LIME1: variants seen among roughly 807,000 people sequenced by gnomAD.
LIME1 encodes lck-interacting transmembrane adapter 1.
In LIME1, 23 loss-of-function variants were observed where a neutral mutation model predicts 18.8. That is an observed-to-expected ratio of 1.22 (90% CI 0.88 to 1.73). LIME1 has a LOEUF of 1.73. Among genes scored for constraint, LIME1 ranks in the 40% most tolerant of loss-of-function variants. The pLI, the probability that LIME1 is intolerant of heterozygous loss-of-function variation, is 0.00. For missense variants in LIME1, 423 were observed against 396.8 expected (o/e 1.07, Z -0.56); for synonymous variants, 177 against 182.3 (o/e 0.97, Z 0.23).
rs1375560132 is a variant in LIME1, at chr20:63,737,603, C to G, written c.54C>G (p.Cys18Trp). 7 of 1,603,816 alleles carry G rather than the reference C, an allele frequency of 4.4e-6. No homozygotes were observed. The Admixed American group carries it at 1.2e-4, about 27-fold the overall frequency. ...CTGCCCTCTGGGTTCTAGGGTGCTG[C>G]GCCCTGCTCCTCTCGCTGTGGGCGC... is the stretch of plus-strand genomic sequence containing the variant. The part of the protein sequence containing the change: ...APPALWVLGC[C>W]ALLLSLWALC... The change falls in exon 2 of 6, where the codon TGC becomes TGG. Residue 18 changes from cysteine to tryptophan, a missense_variant. Transcript: ENST00000309546.
Position 63,739,008 on chromosome 20 carries a change from AGGTCCGT to A in LIME1, c.*110_*116del. 1 of 1,004,106 alleles carries A rather than the reference AGGTCCGT, an allele frequency of 1.0e-6. No homozygotes were observed. The highest frequency in any genetic ancestry group is 1.4e-6 in the Non-Finnish European group (1 of 703,272). The allele number at this position is 1,004,106 out of a possible 1,614,324, so 62.2% of individuals were successfully genotyped here. A position where few individuals can be genotyped will look rare whatever the true frequency, so the allele number is the denominator to read the frequency against. On this transcript the variant is annotated 3_prime_UTR_variant, in exon 6 of 6. Coordinates refer to ENST00000309546, the MANE Select transcript of LIME1 (RefSeq NM_017806.4). ...CAGGTCCCCGGGCTGCCAGCCCGTG[AGGTCCGT>A]GAGGTCCTGGCCGCTCTGACAGCCG...
At chr20:63,735,949 G>C (rs752905808), upstream of LIME1, 7 of 1,594,516 alleles carry the variant, frequency 4.4e-6, no homozygotes, top group Non-Finnish European at 6.0e-6. Flanking sequence ...GACGAAGCGT[G>C]GGACCCCAGC....
chr20:63,736,773 GGTCA>G, intron 1 of LIME1, 61 bp downstream of exon 1: 3 of 985,626 alleles, frequency 3.0e-6, no homozygotes, highest in Non-Finnish European at 3.6e-6. Flanking sequence ...GCTGCAGCTG[GGTCA>G]GTCAGCCAGG....
chr20:63,738,422 G>A lies in LIME1; in HGVS notation c.508G>A (p.Val170Ile), dbSNP rs1350886166. The A allele has an allele frequency of 4.5e-6, 7 of 1,545,820 alleles. No individual in the cohort carries two copies. The Admixed American group carries it at 5.9e-5, about 13-fold the overall frequency. The stretch of plus-strand genomic sequence containing the variant: ...CCCTGTGGTGGCCGAGTATGCCCGC[G>A]TCCAGAAGCGCAAAGGGACCCATCG... ...ASPVVAEYAR[V>I]QKRKGTHRSP... The change falls in exon 5 of 6, where the codon GTC becomes ATC. Residue 170 changes from valine to isoleucine, a missense_variant. By Grantham distance (29) the Val-to-Ile change is conservative. Coordinates refer to ENST00000309546, the MANE Select transcript of LIME1 (RefSeq NM_017806.4).
At chr20:63,736,421 T>G (rs2091990747), upstream of LIME1, 2 of 193,922 alleles carry the variant, frequency 1.0e-5, no homozygotes, top group Admixed American at 5.6e-5. Context: ...CCTGGCCCTG[T>G]GGGTTTGGGG....
rs113110798 is a variant in LIME1 at position 63,738,286 on chromosome 20, G to A, written c.372G>A (p.Glu124=). Residue 124 remains glutamate (E), a synonymous_variant, in exon 5 of 6, where the codon GAG becomes GAA. Transcript: ENST00000309546. ...CCCCCTCTGCCTTCCCACACCAGGA[G>A]CTGCCCCGGGCTCTGCCGGCAGCTG... is the stretch of plus-strand genomic sequence containing the variant. The part of the protein sequence containing the change: ...QAAPSAFPHQ[E]LPRALPAAAA... 393 of 1,573,014 alleles carry A rather than the reference G, an allele frequency of 2.5e-4. No homozygotes were observed. The highest frequency in any genetic ancestry group is 3.0e-4 in the Non-Finnish European group (346 of 1,163,866).
At chr20:63,736,234 G>A (rs1389021107), upstream of LIME1, 1 of 346,910 alleles carries the variant, frequency 2.9e-6, no homozygotes, top group African/African-American at 2.2e-5. Flanking sequence ...GAGGGGCCTA[G>A]GAGGCCGGCA....
chr20:63,736,537 G>A (rs1333351894), upstream of LIME1: 10 of 829,838 alleles, frequency 1.2e-5, no homozygotes, highest in East Asian at 2.4e-4. Flanking sequence ...GGCTTCGGGC[G>A]GGGCGCAGCA....
intron 1 of LIME1, chr20:63,736,936 A>T (rs539887775): frequency 1.0e-6 from 1 of 985,614 alleles, no homozygotes; most frequent in African/African-American, 1.7e-5. Flanking sequence ...CAAGAAGGGG[A>T]CAGATCCTCT....
chr20:63,737,662 C>T lies in LIME1; in HGVS notation c.98+15C>T. 1.3e-6 allele frequency: 2 copies of T among 1,562,190 alleles called. No homozygotes were observed. The highest frequency in any genetic ancestry group is 1.7e-6 in the Non-Finnish European group (2 of 1,156,556). ...GCCTGCCGCAGGTAGGTCCCTCAGC[C>T]GCGTTCTGTCTGGGGCCTCGCTGCG... On this transcript the variant is annotated intron_variant, in intron 2 of 5. Transcript: ENST00000309546.
At position 63,737,920 on chromosome 20, in the gene LIME1, C is replaced by A; in HGVS notation, c.180+18C>A. 1 of 1,579,526 alleles carries A rather than the reference C, an allele frequency of 6.3e-7. No homozygotes were observed. Among genetic ancestry groups the A allele is most frequent in the East Asian group, 2.3e-5 (1 of 43,716 alleles). ...CGGAAGCGGTGAGTGCCAGGCTGTC[C>A]CGGGGACCAGGGTGGGGTCCGCAGG... On this transcript the variant is annotated intron_variant, in intron 3 of 5. Coordinates refer to ENST00000309546, the MANE Select transcript of LIME1 (RefSeq NM_017806.4).
rs1467201745 is a variant in LIME1, at chr20:63,738,731, T to G, written c.719T>G (p.Leu240Arg). The G allele has an allele frequency of 6.2e-7, 1 of 1,612,930 alleles. No homozygotes were observed. Among genetic ancestry groups the G allele is most frequent in the East Asian group, 2.2e-5 (1 of 44,864 alleles). ...AGDLAYQTLPLRALDVDSGPL... is the reference protein window; with the variant it reads ...AGDLAYQTLPRRALDVDSGPL... ...GACCTGGCCTACCAGACCCTCCCGC[T>G]CAGGGCCCTGGATGTGGACAGCGGC... is the stretch of plus-strand genomic sequence containing the variant. Residue 240 changes from leucine (L) to arginine (R), a missense_variant, in exon 6 of 6, where the codon CTC (leucine) becomes CGC (arginine). By Grantham distance (102) the Leu-to-Arg change is moderately radical. Coordinates refer to ENST00000309546, the MANE Select transcript of LIME1 (RefSeq NM_017806.4).
Position 63,739,002 on chromosome 20 carries a change from C to CCCGTGAGGT in LIME1, c.*114_*122dup, listed in dbSNP as rs562853569. 689 of 1,124,372 alleles carry CCCGTGAGGT rather than the reference C, an allele frequency of 6.1e-4. 2 individuals are homozygous for CCCGTGAGGT. In the African/African-American group the frequency reaches 9.6e-3, roughly 16 times the overall value. 69.6% of individuals were successfully genotyped at this position (1,124,372 alleles called of 1,614,324 possible). Reference sequence around the variant, plus strand: ...CAGTCCCAGGTCCCCGGGCTGCCAGCCCGTGAGGTCCGTGAGGTCCTGGCC... The same window carrying CCCGTGAGGT: ...CAGTCCCAGGTCCCCGGGCTGCCAGCCCGTGAGGTCCGTGAGGTCCGTGAGGTCCTGGCC... On this transcript the variant is annotated 3_prime_UTR_variant, in exon 6 of 6. Transcript: ENST00000309546.
chr20:63,737,533 G>T lies in LIME1; in HGVS notation c.-17G>T. The T allele has an allele frequency of 6.5e-7, 1 of 1,529,990 alleles. No individual in the cohort carries two copies. Among genetic ancestry groups the T allele is most frequent in the South Asian group, 1.2e-5 (1 of 80,214 alleles). The allele number at this position is 1,529,990 out of a possible 1,614,324, so 94.8% of individuals were successfully genotyped here. ...CAGCGCCCCTTTCTTCTGTCCCCAGGGCCTCGGCTTCACAGGATGGGGCTG... is the reference window on the plus strand; with the variant it reads ...CAGCGCCCCTTTCTTCTGTCCCCAGTGCCTCGGCTTCACAGGATGGGGCTG... On this transcript the variant is annotated splice_region_variant and 5_prime_UTR_variant, in exon 2 of 6. Transcript: ENST00000309546.
In LIME1 at chr20:63,737,557, T is replaced by G; in HGVS notation, c.8T>G (p.Leu3Arg). 5 of 1,583,890 alleles carry G rather than the reference T, an allele frequency of 3.2e-6. No individual in the cohort carries two copies. Among genetic ancestry groups the G allele is most frequent in the Non-Finnish European group, 4.3e-6 (5 of 1,167,940 alleles). The change falls in exon 2 of 6, where the codon CTG becomes CGG. Residue 3 changes from leucine (L) to arginine (R), a missense_variant. By Grantham distance (102) the Leu-to-Arg change is moderately radical. Coordinates refer to ENST00000309546, the MANE Select transcript of LIME1 (RefSeq NM_017806.4). The stretch of plus-strand genomic sequence containing the variant: ...GGGCCTCGGCTTCACAGGATGGGGC[T>G]GCCAGTGTCCTGGGCCCCTCCTGCC... MG[L>R]PVSWAPPALW...
chr20:63,737,651 G>C lies in LIME1; in HGVS notation c.98+4G>C, dbSNP rs1395071248. 6.3e-7 allele frequency: 1 copy of C among 1,578,742 alleles called. No homozygotes were observed. The highest frequency in any genetic ancestry group is 8.6e-7 in the Non-Finnish European group (1 of 1,164,922). On this transcript the variant is annotated splice_donor_region_variant and intron_variant, in intron 2 of 5. Transcript: ENST00000309546. ...CGCTGTGCACAGCCTGCCGCAGGTAGGTCCCTCAGCCGCGTTCTGTCTGGG... is the reference window on the plus strand; with the variant it reads ...CGCTGTGCACAGCCTGCCGCAGGTACGTCCCTCAGCCGCGTTCTGTCTGGG...
chr20:63,737,353 G>A lies in LIME1; in HGVS notation c.-17-180G>A, dbSNP rs560657610. 1.4e-3 allele frequency: 1,814 copies of A among 1,320,176 alleles called. 5 individuals are homozygous for A. Among genetic ancestry groups the A allele is most frequent in the Non-Finnish European group, 1.2e-3 (1,267 of 1,039,222 alleles). The allele number at this position is 1,320,176 out of a possible 1,614,324, so 81.8% of individuals were successfully genotyped here. A position where few individuals can be genotyped will look rare whatever the true frequency, so the allele number is the denominator to read the frequency against. On this transcript the variant is annotated intron_variant, in intron 1 of 5. Transcript: ENST00000309546. ...CTAGTTCACCTCACCGGGAGCCCCC[G>A]CCAGAAGGTGGGCACCTCTGGGAGG...
chr20:63,737,468 T>C, intron 1 of LIME1, 65 bp from the exon 2 acceptor site: 1 of 1,402,404 alleles, frequency 7.1e-7, no homozygotes, highest in Non-Finnish European at 9.3e-7. Flanking sequence ...GGTGCAGATT[T>C]GGGGCTGCCA....
chr20:63,736,924 C>CTT (rs2091996354), intron 1 of LIME1: 1 of 985,562 alleles, frequency 1.0e-6, no homozygotes, highest in African/African-American at 1.7e-5. Flanking sequence ...TGCTAAGATC[C>CTT]CCAAGAAGGG....
Sources: gnomAD v4.1 joint callset for allele counts on GRCh38, gnomAD v4.1.1 for gene constraint, MANE v1.5 for transcripts, NCBI Gene and HGNC (gene_info 2026-07-23, HGNC 2026-07-21) for gene names.